The following VTA1 variants were observed in gnomAD, a reference collection of about 807,000 sequenced individuals.
VTA1 encodes the protein vesicle trafficking 1, also known as vacuolar protein sorting-associated protein VTA1 homolog.
Under a neutral mutation model 36.9 loss-of-function variants are expected in VTA1, and 24 were observed. That is an observed-to-expected ratio of 0.65 (90% CI 0.47 to 0.91). The LOEUF (loss-of-function observed/expected upper bound fraction) is 0.91, where lower values mean the gene tolerates loss of function less well. Ranked by LOEUF, VTA1 falls within the 40% of genes least tolerant of loss-of-function variation. The probability of loss-of-function intolerance (pLI) is 0.00; values close to 1 mark genes in which losing one functional copy is unlikely to be tolerated. For synonymous variants in VTA1, 142 were observed against 130.2 expected (o/e 1.09, Z -0.62); for missense variants, 393 against 377.2 (o/e 1.04, Z -0.35).
intron 1 of VTA1, among the ~76,000 whole-genome samples, chr6:142,165,668 C>A (rs1011751633): frequency 6.6e-6 from 1 of 152,152 alleles, no homozygotes; most frequent in Admixed American, 6.5e-5. Flanking sequence ...CAGTTCTTAT[C>A]ACTGGGAAAG....
At chr6:142,193,191 G>C (rs903144545) in intron 5 of VTA1, among the ~76,000 whole-genome samples, 54 of 152,076 alleles carry the variant, frequency 3.6e-4, no homozygotes, top group African/African-American at 1.3e-3. Context: ...CAATTTGTTT[G>C]TCTGATATTG....
intron 4 of VTA1, among the ~76,000 whole-genome samples, chr6:142,188,683 A>T (rs1775393638): frequency 6.6e-6 from 1 of 152,180 alleles, no homozygotes; most frequent in Non-Finnish European, 1.5e-5. Context: ...ATGCCACTAT[A>T]AAGGTCAGTG....
chr6:142,190,047 GTA>G (rs1775424929), intron 5 of VTA1, among the ~76,000 whole-genome samples: 1 of 152,092 alleles, frequency 6.6e-6, no homozygotes, highest in Admixed American at 6.6e-5. Flanking sequence ...GTGAGCCACC[GTA>G]CCTGGCCTCC....
In VTA1 at chr6:142,222,815, A is replaced by G. The variant is rs924780010; in HGVS notation, c.*4172A>G. On this transcript the variant is annotated 3_prime_UTR_variant, in exon 8 of 8. Coordinates refer to ENST00000367630, the MANE Select transcript of VTA1 (RefSeq NM_016485.5). Reference sequence around the variant, plus strand: ...AATAATCATAATAGCTAACATTTCAATGTTTACTAAATGTCAGATACTATT... The same window carrying G: ...AATAATCATAATAGCTAACATTTCAGTGTTTACTAAATGTCAGATACTATT... The G allele has an allele frequency of 2.0e-5, 3 of 152,214 alleles. No homozygotes were observed. Among genetic ancestry groups the G allele is most frequent in the African/African-American group, 7.2e-5 (3 of 41,464 alleles). 9.4% of individuals were successfully genotyped at this position (152,214 alleles called of 1,614,324 possible). A position where few individuals can be genotyped will look rare whatever the true frequency, so the allele number is the denominator to read the frequency against.
chr6:142,198,163 G>GTGTGTATATGTGTGTGTGTGTGTGTT (rs1400033605), intron 5 of VTA1, among the ~76,000 whole-genome samples: 1 of 66,918 alleles, frequency 1.5e-5, no homozygotes, highest in Admixed American at 1.3e-4. Context: ...GTGTGTGTGT[G>GTGTGTATATGTGTGTGTGTGTGTGTT]TATATGTGTG....
At chr6:142,163,687 A>C (rs1230737574) in intron 1 of VTA1, among the ~76,000 whole-genome samples, 3 of 152,120 alleles carry the variant, frequency 2.0e-5, no homozygotes, top group African/African-American at 7.2e-5. Context: ...GGTAGAAGGC[A>C]TGGGGGTGTG....
rs556799642 is a variant in VTA1 at position 142,169,948 on chromosome 6, G to T, written c.335+271G>T. Among the ~76,000 whole-genome samples, 7 of 152,134 alleles carry T rather than the reference G, an allele frequency of 4.6e-5. No homozygotes were observed. The East Asian group carries it at 9.7e-4, about 21-fold the overall frequency. ...TTTAACATTTAGTAAAATCTGAGTT[G>T]ATTTTAGCCAAAATCACAGCCCCGC... On this transcript the variant is annotated intron_variant, in intron 3 of 7. Transcript: ENST00000367630.
chr6:142,214,610 A>G (rs1194525828), intron 7 of VTA1, among the ~76,000 whole-genome samples: 1 of 152,198 alleles, frequency 6.6e-6, no homozygotes, highest in African/African-American at 2.4e-5. Flanking sequence ...CACTGTAACA[A>G]TAGATATATG....
rs189786514 is a variant in VTA1, at chr6:142,221,052, G to A, written c.*2409G>A. On this transcript the variant is annotated 3_prime_UTR_variant, in exon 8 of 8. Coordinates refer to ENST00000367630, the MANE Select transcript of VTA1 (RefSeq NM_016485.5). ...GGTCCCAGCCTTCTGAGTTTTAAGA[G>A]ACACTTAAGGTGGTCCCTAAAGTTC... 4 of 152,274 alleles carry A rather than the reference G, an allele frequency of 2.6e-5. No individual in the cohort carries two copies. The highest frequency in any genetic ancestry group is 1.3e-4 in the Admixed American group (2 of 15,294). 9.4% of individuals were successfully genotyped at this position (152,274 alleles called of 1,614,324 possible). A position where few individuals can be genotyped will look rare whatever the true frequency, so the allele number is the denominator to read the frequency against.
In VTA1 at chr6:142,223,584, A is replaced by T. The variant is rs1479212773; in HGVS notation, c.*4941A>T. 2 of 152,154 alleles carry T rather than the reference A, an allele frequency of 1.3e-5. No homozygotes were observed. Among genetic ancestry groups the T allele is most frequent in the Non-Finnish European group, 2.9e-5 (2 of 68,026 alleles). 9.4% of individuals were successfully genotyped at this position (152,154 alleles called of 1,614,324 possible). On this transcript the variant is annotated 3_prime_UTR_variant, in exon 8 of 8. Coordinates refer to ENST00000367630, the MANE Select transcript of VTA1 (RefSeq NM_016485.5). ...ATATATCAAGTTTGGAGGGAAAGAC[A>T]TAATTGCATAGCAGTATTCCATGAA... is the stretch of plus-strand genomic sequence containing the variant.
intron 4 of VTA1, among the ~76,000 whole-genome samples, chr6:142,179,580 G>T (rs1180552359): frequency 6.6e-6 from 1 of 151,920 alleles, no homozygotes; most frequent in Non-Finnish European, 1.5e-5. Flanking sequence ...ATTATGCTGA[G>T]CAAAAAAAGA....
chr6:142,216,715 AAC>A (rs1471015499), intron 7 of VTA1, among the ~76,000 whole-genome samples: 1 of 152,208 alleles, frequency 6.6e-6, no homozygotes, highest in Non-Finnish European at 1.5e-5. Flanking sequence ...CAAAAATAGT[AAC>A]AGAGTTCTTG....
At chr6:142,183,045 G>A (rs946763990) in intron 4 of VTA1, among the ~76,000 whole-genome samples, 6 of 152,096 alleles carry the variant, frequency 3.9e-5, no homozygotes, top group Non-Finnish European at 7.3e-5. Flanking sequence ...AAGTGTAAGG[G>A]GGGGCATCAA....
chr6:142,207,689 GAAAACTGGAATAA>G lies in VTA1; in HGVS notation c.778+3626_778+3638del, dbSNP rs527604461. On this transcript the variant is annotated intron_variant, in intron 7 of 7. Coordinates refer to ENST00000367630, the MANE Select transcript of VTA1 (RefSeq NM_016485.5). ...TAAAAACCAAAACAAGCTGGACAGA[GAAAACTGGAATAA>G]ATAACTAATTCTTCCAGTGCAAAGA... Among the ~76,000 whole-genome samples the G allele has an allele frequency of 1.8e-3, 274 of 152,194 alleles. 2 individuals carry two copies. Among genetic ancestry groups the G allele is most frequent in the African/African-American group, 5.9e-3 (244 of 41,512 alleles).
At chr6:142,210,246 C>A (rs886287175) in intron 7 of VTA1, among the ~76,000 whole-genome samples, 1 of 152,186 alleles carries the variant, frequency 6.6e-6, no homozygotes, top group Non-Finnish European at 1.5e-5. Flanking sequence ...CCCCATCTCT[C>A]ATCCTACACA....
At chr6:142,154,194 CTTG>C (rs1231635933) in intron 1 of VTA1, among the ~76,000 whole-genome samples, 3 of 152,014 alleles carry the variant, frequency 2.0e-5, no homozygotes, top group Admixed American at 6.6e-5. Flanking sequence ...TAGCCAGTAA[CTTG>C]TTGTCCATTT....
chr6:142,198,489 A>G lies in VTA1; in HGVS notation c.571A>G (p.Thr191Ala). 6.2e-7 allele frequency: 1 copy of G among 1,614,112 alleles called. No individual in the cohort carries two copies. The highest frequency in any genetic ancestry group is 8.5e-7 in the Non-Finnish European group (1 of 1,179,988). Residue 191 changes from threonine to alanine, a missense_variant, in exon 6 of 8, where the codon ACT (threonine) becomes GCT (alanine). Physicochemically the swap from Thr to Ala is moderately conservative, Grantham distance 58 (BLOSUM62 0). Transcript: ENST00000367630. The stretch of plus-strand genomic sequence containing the variant: ...AGCAGCCTCTCTGCCCACTCAGCCA[A>G]CTCAGCCATCATCATCTTCAACTTA... The part of the protein sequence containing the change: ...AGAASLPTQP[T>A]QPSSSSTYDP...
chr6:142,176,237 A>G (rs1309142079), intron 4 of VTA1, among the ~76,000 whole-genome samples: 1 of 152,234 alleles, frequency 6.6e-6, no homozygotes, highest in Non-Finnish European at 1.5e-5. Flanking sequence ...GTTAAGATTA[A>G]TACTGCCAAG....
chr6:142,209,456 A>C (rs1775857196), intron 7 of VTA1, among the ~76,000 whole-genome samples: 1 of 151,428 alleles, frequency 6.6e-6, no homozygotes, highest in Non-Finnish European at 1.5e-5. Context: ...AATGTAATAC[A>C]AAAAAATATA....
Sources: gnomAD v4.1 joint callset for allele counts (sites outside exome capture counted in the v4.1 genomes callset) on GRCh38, gnomAD v4.1.1 for gene constraint, MANE v1.5 for transcripts, NCBI Gene and HGNC (gene_info 2026-07-23, HGNC 2026-07-21) for gene names.